Variants in LMNTD2 observed in about 807,000 individuals in gnomAD.
The protein encoded by LMNTD2 is lamin tail domain containing 2, also known as lamin tail domain-containing protein 2.
LMNTD2 carries 83 observed loss-of-function variants against 70.1 expected under a neutral mutation model. The ratio of observed to expected loss-of-function variants is 1.18; its 90% CI spans 0.99 to 1.42. The LOEUF is 1.42. Among genes scored for constraint, LMNTD2 ranks in the 40% most tolerant of loss-of-function variants. LMNTD2 has a pLI of 0.00. For missense variants in LMNTD2, 1,153 were observed against 905.9 expected (o/e 1.27, Z -3.50); for synonymous variants, 534 against 406.1 (o/e 1.31, Z -3.79).
At chr11:559,869 C>T (rs1483188194) in intron 1 of LMNTD2, 2 of 620,824 alleles carry the variant, frequency 3.2e-6, no homozygotes, top group Non-Finnish European at 4.1e-6. Context: ...AGGTGATCCT[C>T]CCACTTCCGC....
In LMNTD2 at chr11:560,694, C is replaced by G; in HGVS notation, c.23G>C (p.Gly8Ala). The stretch of plus-strand genomic sequence containing the variant: ...GGCCAGACACCTACCCCGACGCCTG[C>G]CCGCGGGCCGCAGCCACCGCATTTC... MRWLRPA[G>A]RRREQESVSG... Residue 8 changes from glycine (G) to alanine (A), a missense_variant, in exon 1 of 14, where the codon GGC becomes GCC. Coordinates refer to ENST00000329451, the MANE Select transcript of LMNTD2 (RefSeq NM_173573.3). The G allele has an allele frequency of 6.9e-7, 1 of 1,441,570 alleles. No individual in the cohort carries two copies. Among genetic ancestry groups the G allele is most frequent in the Admixed American group, 2.6e-5 (1 of 37,904 alleles). The allele number at this position is 1,441,570 out of a possible 1,614,324, so 89.3% of individuals were successfully genotyped here.
Position 556,046 on chromosome 11 carries a change from G to A in LMNTD2, c.1327C>T (p.Leu443Phe). The A allele has an allele frequency of 6.4e-7, 1 of 1,554,080 alleles. No homozygotes were observed. Among genetic ancestry groups the A allele is most frequent in the Non-Finnish European group, 8.6e-7 (1 of 1,160,798 alleles). ...GTCGCGCAGCCGCGGATGGAGAGGA[G>A]GGGAACGGGCTCCCGGCTCGAGGAC... ...RASSSREPVP[L>F]LSIRGCATLL... Residue 443 changes from leucine to phenylalanine, a missense_variant, in exon 11 of 14, where the codon CTC becomes TTC. Physicochemically the swap from Leu to Phe is conservative, Grantham distance 22. Transcript: ENST00000329451.
In LMNTD2 at chr11:556,886, A is replaced by G; in HGVS notation, c.925T>C (p.Ser309Pro). ...IGHPPRDHRA[S>P]SEQALVQAGS... ...GCCTGCACCAGCGCTTGCTCGGAGG[A>G]AGCGCGGTGGTCCCGGGGCGGGTGC... Residue 309 changes from serine (S) to proline (P), a missense_variant, in exon 8 of 14, where the codon TCC (serine) becomes CCC (proline). Transcript: ENST00000329451. 1 of 1,595,602 alleles carries G rather than the reference A, an allele frequency of 6.3e-7. No individual in the cohort carries two copies. The highest frequency in any genetic ancestry group is 1.1e-5 in the South Asian group (1 of 88,832).
In LMNTD2 at chr11:554,886, C is replaced by G. The variant is rs1852684603; in HGVS notation, c.*94G>C. The G allele has an allele frequency of 1.1e-6, 1 of 872,482 alleles. No homozygotes were observed. Among genetic ancestry groups the G allele is most frequent in the Non-Finnish European group, 1.6e-6 (1 of 606,656 alleles). The allele number at this position is 872,482 out of a possible 1,614,324, so 54.0% of individuals were successfully genotyped here. ...GAAATGCGGTTTACTTTGTAGGCCA[C>G]GTTGGTTCAATAAATGATGCAGCGG... On this transcript the variant is annotated 3_prime_UTR_variant, in exon 14 of 14. Coordinates refer to ENST00000329451, the MANE Select transcript of LMNTD2 (RefSeq NM_173573.3).
At chr11:559,872 A>C in intron 1 of LMNTD2, 1 of 623,700 alleles carries the variant, frequency 1.6e-6, no homozygotes, top group East Asian at 1.2e-4. Context: ...TGATCCTCCC[A>C]CTTCCGCCTC....
Position 560,730 on chromosome 11 carries a change from G to C in LMNTD2, c.-14C>G, listed in dbSNP as rs1400597347. On this transcript the variant is annotated 5_prime_UTR_variant, in exon 1 of 14. Coordinates refer to ENST00000329451, the MANE Select transcript of LMNTD2 (RefSeq NM_173573.3). Reference sequence around the variant, plus strand: ...CAGCCACCGCATTTCCGCGTTTTTCGCGGTAGGCGGGAGGTGGGGGCGGGG... The same window carrying C: ...CAGCCACCGCATTTCCGCGTTTTTCCCGGTAGGCGGGAGGTGGGGGCGGGG... 2 of 1,428,250 alleles carry C rather than the reference G, an allele frequency of 1.4e-6. No homozygotes were observed. The highest frequency in any genetic ancestry group is 3.0e-5 in the African/African-American group (2 of 67,568). The allele number at this position is 1,428,250 out of a possible 1,614,324, so 88.5% of individuals were successfully genotyped here.
chr11:555,580 G>GC, intron 12 of LMNTD2, 77 bp from the exon 13 acceptor site: 6 of 1,293,628 alleles, frequency 4.6e-6, no homozygotes. Flanking sequence ...CTGGGGCGGG[G>GC]CAGGGGCCGC....
At position 555,262 on chromosome 11, in the gene LMNTD2, CGAG is replaced by C; in HGVS notation, c.1773+40_1773+42del. On this transcript the variant is annotated intron_variant, in intron 13 of 13. Transcript: ENST00000329451. The stretch of plus-strand genomic sequence containing the variant: ...GGGGCGGGAGAGGAGAGGAGGAGAA[CGAG>C]GAGGGAGAGGAGGGGGCGCACCCGC... The C allele has an allele frequency of 2.3e-6, 3 of 1,284,744 alleles. No homozygotes were observed. In the South Asian group the frequency reaches 5.8e-5, roughly 25 times the overall value. The allele number at this position is 1,284,744 out of a possible 1,614,324, so 79.6% of individuals were successfully genotyped here. A position where few individuals can be genotyped will look rare whatever the true frequency, so the allele number is the denominator to read the frequency against.
chr11:556,055 G>T lies in LMNTD2; in HGVS notation c.1318C>A (p.Pro440Thr). 6.4e-7 allele frequency: 1 copy of T among 1,550,408 alleles called. No homozygotes were observed. The stretch of plus-strand genomic sequence containing the variant: ...CCGCGGATGGAGAGGAGGGGAACGG[G>T]CTCCCGGCTCGAGGACGCGCGCAGC... ...KPLRASSSRE[P>T]VPLLSIRGCA... The change falls in exon 11 of 14, where the codon CCC becomes ACC. Residue 440 changes from proline (P) to threonine (T), a missense_variant. Coordinates refer to ENST00000329451, the MANE Select transcript of LMNTD2 (RefSeq NM_173573.3).
rs1415393120 is a variant in LMNTD2, at chr11:554,918, C to T, written c.*62G>A. 3 of 1,243,330 alleles carry T rather than the reference C, an allele frequency of 2.4e-6. No individual in the cohort carries two copies. The highest frequency in any genetic ancestry group is 2.9e-5 in the East Asian group (1 of 34,562). 77.0% of individuals were successfully genotyped at this position (1,243,330 alleles called of 1,614,324 possible). The stretch of plus-strand genomic sequence containing the variant: ...TCAATAAATGATGCAGCGGACACAG[C>T]CCGCCCAGCCCCGGCGCCCGCCCGC... On this transcript the variant is annotated 3_prime_UTR_variant, in exon 14 of 14. Transcript: ENST00000329451.
chr11:559,327 G>A (rs1292549246), intron 1 of LMNTD2: 126 of 1,380,818 alleles, frequency 9.1e-5, no homozygotes, highest in Non-Finnish European at 1.2e-4. Context: ...CCAGCTCAGG[G>A]CCCTACCCCC....
Position 556,904 on chromosome 11 carries a change from G to T in LMNTD2, c.907C>A (p.Pro303Thr). The change falls in exon 8 of 14, where the codon CCC becomes ACC. Residue 303 changes from proline (P) to threonine (T), a missense_variant. Physicochemically the swap from Pro to Thr is conservative, Grantham distance 38. Coordinates refer to ENST00000329451, the MANE Select transcript of LMNTD2 (RefSeq NM_173573.3). ...PSFVQVIGHPPRDHRASSEQA... is the reference protein window; with the variant it reads ...PSFVQVIGHPTRDHRASSEQA... ...TCGGAGGAAGCGCGGTGGTCCCGGG[G>T]CGGGTGCCCTATCACCTGCACGAAG... is the stretch of plus-strand genomic sequence containing the variant. 3.8e-6 allele frequency: 6 copies of T among 1,594,702 alleles called. No homozygotes were observed. Among genetic ancestry groups the T allele is most frequent in the Non-Finnish European group, 4.3e-6 (5 of 1,173,606 alleles).
In LMNTD2 at chr11:560,670, G is replaced by C; in HGVS notation, c.34+13C>G. On this transcript the variant is annotated intron_variant, in intron 1 of 13. Coordinates refer to ENST00000329451, the MANE Select transcript of LMNTD2 (RefSeq NM_173573.3). ...CTGAGGAAGTCGGCCCAGGAGCGGG[G>C]CCAGACACCTACCCCGACGCCTGCC... The C allele has an allele frequency of 4.2e-6, 6 of 1,433,114 alleles. No individual in the cohort carries two copies. The highest frequency in any genetic ancestry group is 5.5e-6 in the Non-Finnish European group (6 of 1,083,768). The allele number at this position is 1,433,114 out of a possible 1,614,324, so 88.8% of individuals were successfully genotyped here.
At chr11:559,229 C>T (rs1010753878) in intron 1 of LMNTD2, 57 of 1,486,900 alleles carry the variant, frequency 3.8e-5, no homozygotes, top group Non-Finnish European at 4.7e-5. Context: ...CAGGTCACCA[C>T]CCGACATGTC....
Position 558,601 on chromosome 11 carries a change from C to G in LMNTD2, c.311+13G>C. 6.3e-7 allele frequency: 1 copy of G among 1,598,234 alleles called. No individual in the cohort carries two copies. The highest frequency in any genetic ancestry group is 1.1e-5 in the South Asian group (1 of 89,706). On this transcript the variant is annotated intron_variant, in intron 3 of 13. Transcript: ENST00000329451. Reference sequence around the variant, plus strand: ...GGGCGGGGTTGGGTTGGGCTGGGGACTGTGCTGCAGACCTCTTGGGCGGAA... The same window carrying G: ...GGGCGGGGTTGGGTTGGGCTGGGGAGTGTGCTGCAGACCTCTTGGGCGGAA...
intron 10 of LMNTD2, 30 bp from the exon 11 acceptor site, chr11:556,145 GCGGCCGGGCCGGGC>G (rs1245113577): frequency 7.5e-6 from 10 of 1,328,436 alleles, no homozygotes; most frequent in Non-Finnish European, 9.5e-6. Flanking sequence ...CGGGTGAGGG[GCGGCCGGGCCGGGC>G]CGTCGGGGCC....
rs141302254 is a variant in LMNTD2, at chr11:557,578, G to A, written c.618C>T (p.Thr206=). 1,471 of 1,613,390 alleles carry A rather than the reference G, an allele frequency of 9.1e-4. 32 individuals carry two copies. The South Asian group carries it at 0.015, about 16-fold the overall frequency. ...CGTGGGAGGCCTAGCTCACCTCCCC[G>A]GTGGGGGCCTGAATGTTTTCAGAGA... ...SDLSENIQAP[T]GEGFRLEDVD... Residue 206 remains threonine, a synonymous_variant, in exon 6 of 14, where the codon ACC becomes ACT. Coordinates refer to ENST00000329451, the MANE Select transcript of LMNTD2 (RefSeq NM_173573.3).
chr11:560,357 G>A (rs1853197388), intron 1 of LMNTD2: 16 of 1,164,886 alleles, frequency 1.4e-5, no homozygotes, highest in Non-Finnish European at 1.1e-6. Flanking sequence ...GCAGGAAGGT[G>A]TCGGAGAAGA....
At chr11:559,892 T>A in intron 1 of LMNTD2, 1 of 494,290 alleles carries the variant, frequency 2.0e-6, no homozygotes, top group Non-Finnish European at 2.7e-6. Flanking sequence ...CCTGACTTGC[T>A]GAAACTACAG....
Sources: allele counts gnomAD v4.1 joint callset, GRCh38; gene constraint gnomAD v4.1.1; transcripts MANE v1.5; gene names NCBI Gene and HGNC (gene_info 2026-07-23, HGNC 2026-07-21).